ARL1: variants seen among roughly 807,000 people sequenced by gnomAD.
The protein encoded by ARL1 is ARF like GTPase 1.
Under a neutral mutation model 30.1 loss-of-function variants are expected in ARL1, and 17 were observed. That is an observed-to-expected ratio of 0.56 (90% CI 0.39 to 0.85). ARL1 has a LOEUF of 0.85. Ranked by LOEUF, ARL1 falls within the 40% of genes least tolerant of loss-of-function variation. The pLI, the probability that ARL1 is intolerant of heterozygous loss-of-function variation, is 0.00. For missense variants in ARL1, 102 were observed against 212.6 expected (o/e 0.48, Z 3.24); for synonymous variants, 58 against 71.7 (o/e 0.81, Z 0.97).
At chr12:101,404,295 T>G (rs1871381285) in intron 2 of ARL1, among the ~76,000 whole-genome samples, 1 of 152,054 alleles carries the variant, frequency 6.6e-6, no homozygotes, top group African/African-American at 2.4e-5. Context: ...GAAGATCGCT[T>G]GAGCCCAGGA....
At chr12:101,406,947 A>C (rs1329963031) in intron 1 of ARL1, 10 of 152,306 alleles carry the variant, frequency 6.6e-5, no homozygotes, top group Admixed American at 2.0e-4. Flanking sequence ...CTTCATTTGG[A>C]GGGTGAGAAA....
chr12:101,396,724 A>G, intron 4 of ARL1, 147 bp from the exon 5 acceptor site: 1 of 628,962 alleles, frequency 1.6e-6, no homozygotes, highest in East Asian at 3.1e-5. Context: ...AGAGAAGTAT[A>G]AAGAAAAGAA....
chr12:101,403,168 C>G, intron 2 of ARL1: 1 of 481,812 alleles, frequency 2.1e-6, no homozygotes, highest in Non-Finnish European at 3.8e-6. Context: ...GTATGCTCTG[C>G]TCCCCCACAC....
chr12:101,403,235 A>AT (rs1486216126), intron 2 of ARL1: 7 of 465,222 alleles, frequency 1.5e-5, no homozygotes, highest in Non-Finnish European at 2.5e-5. Flanking sequence ...TCTTCAGGAT[A>AT]TTTTTTAAAA....
At chr12:101,396,683 T>G in intron 4 of ARL1, 106 bp from the exon 5 acceptor site, 1 of 796,194 alleles carries the variant, frequency 1.3e-6, no homozygotes, top group Non-Finnish European at 1.9e-6. Flanking sequence ...ATTAATATAT[T>G]ACACATTATG....
rs1181154649 is a variant in ARL1, at chr12:101,393,857, GC to G, written c.*1782del. On this transcript the variant is annotated 3_prime_UTR_variant, in exon 6 of 6. Transcript: ENST00000261636. ...TGCTTTCTGCATTTTCCAGCCATGT[GC>G]CATTGACCAGGAGTGAACTCAAGTA... The G allele has an allele frequency of 6.6e-6, 1 of 152,066 alleles. No individual in the cohort carries two copies. Among genetic ancestry groups the G allele is most frequent in the African/African-American group, 2.4e-5 (1 of 41,388 alleles). 9.4% of individuals were successfully genotyped at this position (152,066 alleles called of 1,614,324 possible).
At chr12:101,398,102 T>C (rs1285212563) in intron 4 of ARL1, among the ~76,000 whole-genome samples, 2 of 151,986 alleles carry the variant, frequency 1.3e-5, no homozygotes, top group Non-Finnish European at 2.9e-5. Context: ...TTTTTGTGTA[T>C]AGGAAAGTTG....
chr12:101,403,385 G>A (rs1418449519), intron 2 of ARL1: 11 of 264,858 alleles, frequency 4.2e-5, no homozygotes, highest in Admixed American at 1.0e-4. Context: ...TAATAGAGTA[G>A]TTAAAAGTGT....
rs369873218 is a variant in ARL1 at position 101,394,853 on chromosome 12, T to C, written c.*787A>G. 7.9e-5 allele frequency: 12 copies of C among 152,254 alleles called. No individual in the cohort carries two copies. In the East Asian group the frequency reaches 2.1e-3, roughly 27 times the overall value. The allele number at this position is 152,254 out of a possible 1,614,324, so 9.4% of individuals were successfully genotyped here. ...GGGAATATATAGTATAGTTTATGAGTCAAGCTTCTGAACCAAAAGTTTTAC... is the reference window on the plus strand; with the variant it reads ...GGGAATATATAGTATAGTTTATGAGCCAAGCTTCTGAACCAAAAGTTTTAC... On this transcript the variant is annotated 3_prime_UTR_variant, in exon 6 of 6. Coordinates refer to ENST00000261636, the MANE Select transcript of ARL1 (RefSeq NM_001177.6).
chr12:101,393,171 A>G lies in ARL1; in HGVS notation c.*2469T>C, dbSNP rs1871055209. Reference sequence around the variant, plus strand: ...ATCAATACATATTTATTGAGTGCCTACTGTGTGCCAGGTGCACCACACTAG... The same window carrying G: ...ATCAATACATATTTATTGAGTGCCTGCTGTGTGCCAGGTGCACCACACTAG... On this transcript the variant is annotated 3_prime_UTR_variant, in exon 6 of 6. Coordinates refer to ENST00000261636, the MANE Select transcript of ARL1 (RefSeq NM_001177.6). The G allele has an allele frequency of 1.3e-5, 2 of 152,174 alleles. No individual in the cohort carries two copies. Among genetic ancestry groups the G allele is most frequent in the African/African-American group, 4.8e-5 (2 of 41,440 alleles). 9.4% of individuals were successfully genotyped at this position (152,174 alleles called of 1,614,324 possible).
At chr12:101,407,562 G>T in intron 1 of ARL1, 80 bp downstream of exon 1, 1 of 1,585,652 alleles carries the variant, frequency 6.3e-7, no homozygotes. Context: ...TATCCTGGCC[G>T]GCCCCTCTCC....
At chr12:101,396,374 T>C in intron 5 of ARL1, 25 bp downstream of exon 5, 3 of 1,613,940 alleles carry the variant, frequency 1.9e-6, no homozygotes, top group Non-Finnish European at 2.5e-6. Context: ...AATGCACAGA[T>C]GGCTTCTGGA....
intron 4 of ARL1, among the ~76,000 whole-genome samples, chr12:101,399,919 A>G (rs1161337228): frequency 6.6e-6 from 1 of 151,954 alleles, no homozygotes; most frequent in Non-Finnish European, 1.5e-5. Flanking sequence ...GTAAACAAAT[A>G]TATTTTTTTT....
At chr12:101,395,745 T>C in intron 5 of ARL1, 75 bp from the exon 6 acceptor site, 1 of 1,081,770 alleles carries the variant, frequency 9.2e-7, no homozygotes, top group Non-Finnish European at 1.4e-6. Context: ...ATAAACTTTG[T>C]ATTGGAGGTG....
chr12:101,398,041 TTC>T (rs1005148623), intron 4 of ARL1, among the ~76,000 whole-genome samples: 1 of 152,102 alleles, frequency 6.6e-6, no homozygotes, highest in African/African-American at 2.4e-5. Context: ...TCCTTATATG[TTC>T]TTATAATTTT....
At chr12:101,404,838 T>C (rs1049581655) in intron 2 of ARL1, among the ~76,000 whole-genome samples, 1 of 152,182 alleles carries the variant, frequency 6.6e-6, no homozygotes, top group African/African-American at 2.4e-5. Context: ...TTGATTAAAA[T>C]TGAGGTATTT....
At chr12:101,403,318 A>G (rs1871354028) in intron 2 of ARL1, 1 of 406,160 alleles carries the variant, frequency 2.5e-6, no homozygotes, top group African/African-American at 2.1e-5. Flanking sequence ...AAAAGAAATA[A>G]AAAGGAAAAC....
In ARL1 at chr12:101,396,430, T is replaced by C; in HGVS notation, c.484A>G (p.Lys162Glu). 6.2e-7 allele frequency: 1 copy of C among 1,614,040 alleles called. No homozygotes were observed. Among genetic ancestry groups the C allele is most frequent in the Non-Finnish European group, 8.5e-7 (1 of 1,179,898 alleles). The change falls in exon 5 of 6, where the codon AAA (lysine) becomes GAA (glutamate). Residue 162 changes from lysine (K) to glutamate (E), a missense_variant. By Grantham distance (56) the Lys-to-Glu change is moderately conservative (BLOSUM62 1). Transcript: ENST00000261636. ...KWQIFKTSAT[K>E]GTGLDEAMEW... ...ATTGCCTCATCAAGGCCGGTGCCTT[T>C]GGTTGCTGACGTTTTGAATATCTGC...
rs1871096839 is a variant in ARL1, at chr12:101,394,638, C to A, written c.*1002G>T. On this transcript the variant is annotated 3_prime_UTR_variant, in exon 6 of 6. Coordinates refer to ENST00000261636, the MANE Select transcript of ARL1 (RefSeq NM_001177.6). ...TCTGAAAATAGATTTTTAAACCTTC[C>A]TTTAATGTGAAATTTTCTCTTTAAT... 1 of 152,054 alleles carries A rather than the reference C, an allele frequency of 6.6e-6. No individual in the cohort carries two copies. The highest frequency in any genetic ancestry group is 1.5e-5 in the Non-Finnish European group (1 of 68,006). The allele number at this position is 152,054 out of a possible 1,614,324, so 9.4% of individuals were successfully genotyped here. A position where few individuals can be genotyped will look rare whatever the true frequency, so the allele number is the denominator to read the frequency against.
Sources: allele counts gnomAD v4.1 joint callset (sites outside exome capture counted in the v4.1 genomes callset), GRCh38; gene constraint gnomAD v4.1.1; transcripts MANE v1.5; gene names NCBI Gene and HGNC (gene_info 2026-07-23, HGNC 2026-07-21).